The following SOX5 variants were observed in gnomAD, a reference collection of about 807,000 sequenced individuals.
SOX5 encodes the protein transcription factor SOX-5.
A neutral mutation model predicts 92.0 loss-of-function variants in SOX5; 9 were observed. That is an observed-to-expected ratio of 0.10 (90% confidence interval 0.06 to 0.17). The LOEUF (loss-of-function observed/expected upper bound fraction) is 0.17. Among genes scored for constraint, SOX5 ranks in the 10% least tolerant of loss-of-function variants. The pLI, the probability that SOX5 is intolerant of heterozygous loss-of-function variation, is 1.00. For missense variants in SOX5, 642 were observed against 944.5 expected (o/e 0.68, Z 4.20); for synonymous variants, 344 against 336.3 (o/e 1.02, Z -0.25).
intron 4 of SOX5, among the ~76,000 whole-genome samples, chr12:23,752,345 C>T (rs986265045): frequency 6.6e-6 from 1 of 151,808 alleles, no homozygotes; most frequent in African/African-American, 2.4e-5. Flanking sequence ...AGAGAACCTC[C>T]CGTACACAGC....
intron 2 of SOX5, among the ~76,000 whole-genome samples, chr12:24,342,360 G>C (rs1400954856): frequency 4.6e-5 from 7 of 151,986 alleles, no homozygotes; most frequent in Non-Finnish European, 1.0e-4. Context: ...TTTTTTCTGA[G>C]ATCCAGAACT....
chr12:24,082,884 C>T (rs767738385), intron 4 of SOX5, among the ~76,000 whole-genome samples: 3 of 151,604 alleles, frequency 2.0e-5, no homozygotes, highest in Non-Finnish European at 4.4e-5. Flanking sequence ...AGAAGTATAC[C>T]TCATCTCATT....
At chr12:24,476,506 T>C (rs1251897984) in intron 1 of SOX5, among the ~76,000 whole-genome samples, 1 of 152,144 alleles carries the variant, frequency 6.6e-6, no homozygotes, top group Non-Finnish European at 1.5e-5. Context: ...AAAAAGTCTT[T>C]CAACAACGAA....
At chr12:23,905,285 A>T (rs2097280151) in intron 1 of SOX5, among the ~76,000 whole-genome samples, 1 of 152,198 alleles carries the variant, frequency 6.6e-6, no homozygotes, top group Admixed American at 6.5e-5. Context: ...AATGATTCAG[A>T]AATCACAATT....
At chr12:23,791,966 G>A (rs896504393) in intron 3 of SOX5, among the ~76,000 whole-genome samples, 1 of 151,332 alleles carries the variant, frequency 6.6e-6, no homozygotes, top group African/African-American at 2.4e-5. Flanking sequence ...AATTAGTAGG[G>A]GATATAGAGT....
chr12:23,792,821 G>C (rs1465483541), intron 3 of SOX5, among the ~76,000 whole-genome samples: 1 of 151,776 alleles, frequency 6.6e-6, no homozygotes, highest in Non-Finnish European at 1.5e-5. Context: ...TCTTACTTTT[G>C]CTTTCTTTTC....
intron 3 of SOX5, among the ~76,000 whole-genome samples, chr12:24,251,821 C>T (rs761386280): frequency 3.3e-5 from 5 of 152,076 alleles, no homozygotes; most frequent in Admixed American, 6.5e-5. Context: ...ATCTGCCCAC[C>T]TCAGCCTCCC....
At chr12:23,746,892 T>C (rs2094002653) in intron 4 of SOX5, among the ~76,000 whole-genome samples, 1 of 152,112 alleles carries the variant, frequency 6.6e-6, no homozygotes, top group Non-Finnish European at 1.5e-5. Flanking sequence ...ATTCTCGTGA[T>C]AGTGAATAAT....
At chr12:23,996,925 C>T (rs1209710422) in intron 4 of SOX5, among the ~76,000 whole-genome samples, 10 of 152,144 alleles carry the variant, frequency 6.6e-5, no homozygotes, top group Admixed American at 6.5e-4. Flanking sequence ...CTGTGAATGA[C>T]TATGCCTCTG....
At chr12:23,640,711 A>G in intron 8 of SOX5, 101 bp downstream of exon 8, 1 of 786,682 alleles carries the variant, frequency 1.3e-6, no homozygotes, top group Non-Finnish European at 2.2e-6. Context: ...AGAAAGTGTG[A>G]GACGAATATC....
At chr12:24,336,487 G>A (rs1951919690) in intron 2 of SOX5, among the ~76,000 whole-genome samples, 1 of 152,142 alleles carries the variant, frequency 6.6e-6, no homozygotes, top group Non-Finnish European at 1.5e-5. Context: ...GGAAAGATCA[G>A]TAAGACAGGA....
At chr12:24,034,419 G>C (rs1024030853) in intron 4 of SOX5, among the ~76,000 whole-genome samples, 1 of 152,004 alleles carries the variant, frequency 6.6e-6, no homozygotes. Flanking sequence ...TCCTGAGTGA[G>C]TTACAATTAG....
Position 23,569,952 on chromosome 12 carries a change from G to A in SOX5, c.1342+5709C>T, listed in dbSNP as rs540744407. Among the ~76,000 whole-genome samples the A allele has an allele frequency of 3.9e-5, 6 of 152,136 alleles. No individual in the cohort carries two copies. In the South Asian group the frequency reaches 1.0e-3, roughly 26 times the overall value. ...CTATTATTCCTTTGGCCCAGGGCAG[G>A]ATCTGTTGAAGAAATAAATGCACAT... On this transcript the variant is annotated intron_variant, in intron 10 of 14. Coordinates refer to ENST00000451604, the MANE Select transcript of SOX5 (RefSeq NM_006940.6).
chr12:23,930,246 T>C lies in SOX5; in HGVS notation c.38+19318A>G, dbSNP rs766385753. On this transcript the variant is annotated intron_variant, in intron 1 of 14. Coordinates refer to ENST00000451604, the MANE Select transcript of SOX5 (RefSeq NM_006940.6). ...CATTGGTAGAATGCTTCATTTTTAATTTATTCAAACCCATTTAAAATTTAC... is the reference window on the plus strand; with the variant it reads ...CATTGGTAGAATGCTTCATTTTTAACTTATTCAAACCCATTTAAAATTTAC... 7.9e-5 allele frequency among the ~76,000 whole-genome samples: 12 copies of C among 152,006 alleles called. No homozygotes were observed. The East Asian group carries it at 1.9e-3, about 25-fold the overall frequency.
intron 1 of SOX5, among the ~76,000 whole-genome samples, chr12:24,521,540 A>G (rs1475582859): frequency 6.6e-6 from 1 of 152,230 alleles, no homozygotes; most frequent in Admixed American, 6.5e-5. Flanking sequence ...ATTCTAGAGG[A>G]CAGATCACAT....
chr12:23,693,822 G>A (rs1354195023), intron 6 of SOX5, among the ~76,000 whole-genome samples: 2 of 152,012 alleles, frequency 1.3e-5, no homozygotes, highest in Admixed American at 6.6e-5. Flanking sequence ...TATAAACTAT[G>A]CTTATTTTTC....
At chr12:24,465,251 A>G (rs1944097411) in intron 1 of SOX5, among the ~76,000 whole-genome samples, 1 of 152,226 alleles carries the variant, frequency 6.6e-6, no homozygotes, top group Non-Finnish European at 1.5e-5. Flanking sequence ...AAACTCTCCA[A>G]CTGCAGTACT....
At chr12:24,534,509 A>G (rs1951466013) in intron 1 of SOX5, among the ~76,000 whole-genome samples, 1 of 152,200 alleles carries the variant, frequency 6.6e-6, no homozygotes. Context: ...CCATGAGTAC[A>G]TTACTTACAG....
rs76998705 is a variant in SOX5, at chr12:24,132,077, A to G, written c.-2+81266T>C. ...TACGTTCCCATTCCAGGCTCTCTTC[A>G]ATCCCTAATGCTAAGTAAAAAGTTA... is the stretch of plus-strand genomic sequence containing the variant. On this transcript the variant is annotated intron_variant, in intron 4 of 4. Transcript: ENST00000446891. 6.0e-3 allele frequency among the ~76,000 whole-genome samples: 918 copies of G among 152,298 alleles called. 9 individuals carry two copies. Among genetic ancestry groups the G allele is most frequent in the South Asian group, 0.036 (175 of 4,830 alleles).
Sources: gnomAD v4.1 joint callset for allele counts (sites outside exome capture counted in the v4.1 genomes callset) on GRCh38, gnomAD v4.1.1 for gene constraint, MANE v1.5 for transcripts, NCBI Gene and HGNC (gene_info 2026-07-23, HGNC 2026-07-21) for gene names.